Variants in HEMK1 observed in about 807,000 individuals in gnomAD.
HEMK1 encodes HemK methyltransferase 1, mitochondrial release factors N(5)-glutamine.
Under a neutral mutation model 47.9 loss-of-function variants are expected in HEMK1, and 36 were observed. The observed-to-expected ratio is 0.75, with a 90% CI of 0.58 to 0.99. The LOEUF is 0.99. Ranked by LOEUF, HEMK1 falls within the 50% of genes least tolerant of loss-of-function variation. The pLI, the probability that HEMK1 is intolerant of heterozygous loss-of-function variation, is 0.00. For synonymous variants in HEMK1, 153 were observed against 165.4 expected, an observed-to-expected ratio of 0.93 and a Z score of 0.57; for missense variants, 383 against 434.5, an observed-to-expected ratio of 0.88 and a Z score of 1.05.
chr3:50,578,293 G>C (rs2030122512), intron 7 of HEMK1, among the ~76,000 whole-genome samples: 1 of 152,202 alleles, frequency 6.6e-6, no homozygotes, highest in Non-Finnish European at 1.5e-5. Flanking sequence ...AGTGTCTCCA[G>C]GCCTCCAACT....
In HEMK1 at chr3:50,595,468, T is replaced by C. The variant is rs1453198994; in HGVS notation, c.*15051T>C. 1.3e-5 allele frequency: 2 copies of C among 152,200 alleles called. No individual in the cohort carries two copies. Among genetic ancestry groups the C allele is most frequent in the Non-Finnish European group, 2.9e-5 (2 of 68,036 alleles). The allele number at this position is 152,200 out of a possible 1,614,324, so 9.4% of individuals were successfully genotyped here. A position where few individuals can be genotyped will look rare whatever the true frequency, so the allele number is the denominator to read the frequency against. ...CTGAATTTAGGGGACCCACGTCTTT[T>C]ATAATAAGCTGCAAGCAAACCTGCC... On this transcript the variant is annotated 3_prime_UTR_variant, in exon 11 of 11. Coordinates refer to ENST00000232854, the MANE Select transcript of HEMK1 (RefSeq NM_016173.5).
chr3:50,580,115 G>A lies in HEMK1; in HGVS notation c.867-1G>A. The A allele has an allele frequency of 6.2e-7, 1 of 1,612,948 alleles. No individual in the cohort carries two copies. Among genetic ancestry groups the A allele is most frequent in the Admixed American group, 1.7e-5 (1 of 60,022 alleles). ...AGCCCACCCATTTCTCCCCCATGTA[G>A]TAGTATCTTCTTAGAAGTGGACCCA... On this transcript the variant is annotated splice_acceptor_variant, in intron 9 of 10. Transcript: ENST00000232854. LOFTEE classifies it high-confidence loss of function.
chr3:50,578,239 G>A (rs2030105743), intron 7 of HEMK1, among the ~76,000 whole-genome samples: 1 of 152,212 alleles, frequency 6.6e-6, no homozygotes, highest in Non-Finnish European at 1.5e-5. Context: ...CTGCCTGGCA[G>A]GGGAAGTGGT....
chr3:50,579,695 G>A, intron 8 of HEMK1, 149 bp from the exon 9 acceptor site: 1 of 603,356 alleles, frequency 1.7e-6, no homozygotes, highest in South Asian at 2.1e-5. Flanking sequence ...CACCCATTTG[G>A]GGCCCTCCTT....
rs1319536559 is a variant in HEMK1, at chr3:50,571,152, G to C, written c.48G>C (p.Gly16=). 6.2e-7 allele frequency: 1 copy of C among 1,613,114 alleles called. No homozygotes were observed. Among genetic ancestry groups the C allele is most frequent in the Non-Finnish European group, 8.5e-7 (1 of 1,179,596 alleles). The change falls in exon 2 of 11, where the codon GGG becomes GGC. Residue 16 remains glycine (G), a synonymous_variant. Transcript: ENST00000232854. The part of the protein sequence containing the change: ...RMLWALLSGP[G]RRGSTRGWAF... ...TGTGGGCCCTCCTGTCTGGCCCAGG[G>C]AGGAGGGGAAGTACCCGGGGCTGGG...
rs778883009 is a variant in HEMK1, at chr3:50,572,140, G to C, written c.346G>C (p.Glu116Gln). 1 of 1,614,024 alleles carries C rather than the reference G, an allele frequency of 6.2e-7. No homozygotes were observed. Among genetic ancestry groups the C allele is most frequent in the Admixed American group, 1.7e-5 (1 of 60,010 alleles). Residue 116 changes from glutamate to glutamine, a missense_variant, in exon 4 of 11, where the codon GAG (glutamate) becomes CAG (glutamine). Coordinates refer to ENST00000232854, the MANE Select transcript of HEMK1 (RefSeq NM_016173.5). ...GATGCCGGTGCAGTACATCCTTGGA[G>C]AGTGGGACTTCCAGGGGCTCAGCCT... is the stretch of plus-strand genomic sequence containing the variant. ...QRMPVQYILGEWDFQGLSLRM... is the reference protein window; with the variant it reads ...QRMPVQYILGQWDFQGLSLRM...
At chr3:50,578,069 G>T (rs1343238320) in intron 7 of HEMK1, among the ~76,000 whole-genome samples, 194 bp downstream of exon 7, 1 of 152,202 alleles carries the variant, frequency 6.6e-6, no homozygotes, top group African/African-American at 2.4e-5. Context: ...CAGACAAGGT[G>T]CTTTTGCCTC....
Position 50,593,227 on chromosome 3 carries a change from T to C in HEMK1, c.*12810T>C, listed in dbSNP as rs2031812364. The C allele has an allele frequency of 6.6e-6, 1 of 152,272 alleles. No individual in the cohort carries two copies. Among genetic ancestry groups the C allele is most frequent in the Non-Finnish European group, 1.5e-5 (1 of 68,098 alleles). The allele number at this position is 152,272 out of a possible 1,614,324, so 9.4% of individuals were successfully genotyped here. Reference sequence around the variant, plus strand: ...TTAGGAACCCTGCCCACAGCTGTACTAATGCCCTTGGCTTTGCTATAGGGA... The same window carrying C: ...TTAGGAACCCTGCCCACAGCTGTACCAATGCCCTTGGCTTTGCTATAGGGA... On this transcript the variant is annotated 3_prime_UTR_variant, in exon 11 of 11. Transcript: ENST00000232854.
chr3:50,572,421 A>G (rs1575900021), intron 4 of HEMK1, among the ~76,000 whole-genome samples: 1 of 152,162 alleles, frequency 6.6e-6, no homozygotes, highest in African/African-American at 2.4e-5. Flanking sequence ...CAAGCTATCA[A>G]CCCAGCCTCT....
rs1575974221 is a variant in HEMK1 at position 50,591,710 on chromosome 3, G to GTGTGTGTGTGTGTGTGGT, written c.*11293_*11294insTGTGTGTGTGTGTGTGGT. 1 of 128,342 alleles carries GTGTGTGTGTGTGTGTGGT rather than the reference G, an allele frequency of 7.8e-6. No homozygotes were observed. The highest frequency in any genetic ancestry group is 1.7e-5 in the Non-Finnish European group (1 of 57,794). The allele number at this position is 128,342 out of a possible 1,614,324, so 8.0% of individuals were successfully genotyped here. A position where few individuals can be genotyped will look rare whatever the true frequency, so the allele number is the denominator to read the frequency against. ...TGTGTGTGTGTGTTTGTGTGTGTGT[G>GTGTGTGTGTGTGTGTGGT]GTGTTACTCTGCCTCAGAGGCCCAA... is the stretch of plus-strand genomic sequence containing the variant. On this transcript the variant is annotated 3_prime_UTR_variant, in exon 11 of 11. Transcript: ENST00000232854.
rs549779997 is a variant in HEMK1, at chr3:50,594,825, T to A, written c.*14408T>A. 6.6e-6 allele frequency: 1 copy of A among 152,170 alleles called. No individual in the cohort carries two copies. The highest frequency in any genetic ancestry group is 1.5e-5 in the Non-Finnish European group (1 of 68,022). The allele number at this position is 152,170 out of a possible 1,614,324, so 9.4% of individuals were successfully genotyped here. A position where few individuals can be genotyped will look rare whatever the true frequency, so the allele number is the denominator to read the frequency against. On this transcript the variant is annotated 3_prime_UTR_variant, in exon 11 of 11. Transcript: ENST00000232854. Reference sequence around the variant, plus strand: ...CACTCATAAACCCACCTACCTCCTTTGGCTTCCTTTCCTTCCCTGTCTCAC... The same window carrying A: ...CACTCATAAACCCACCTACCTCCTTAGGCTTCCTTTCCTTCCCTGTCTCAC...
chr3:50,577,475 C>T (rs1438329550), intron 5 of HEMK1, 34 bp from the exon 6 acceptor site: 6 of 1,603,392 alleles, frequency 3.7e-6, no homozygotes, highest in Non-Finnish European at 3.4e-6. Context: ...CTCAGCATTG[C>T]CTTCCACATA....
At position 50,582,883 on chromosome 3, in the gene HEMK1, G is replaced by A. The variant is rs2030982995; in HGVS notation, c.*2466G>A. ...TGAGGCCCAGGCCAGGGCAGCCAGT[G>A]GCTCTAGCTCAGGGAAAGCCAGGCC... On this transcript the variant is annotated 3_prime_UTR_variant, in exon 11 of 11. Transcript: ENST00000232854. 6.6e-6 allele frequency: 1 copy of A among 152,388 alleles called. No individual in the cohort carries two copies. The highest frequency in any genetic ancestry group is 1.5e-5 in the Non-Finnish European group (1 of 68,150). 9.4% of individuals were successfully genotyped at this position (152,388 alleles called of 1,614,324 possible).
Position 50,584,503 on chromosome 3 carries a change from G to A in HEMK1, c.*4086G>A, listed in dbSNP as rs984395333. The A allele has an allele frequency of 3.3e-5, 5 of 152,192 alleles. No homozygotes were observed. The highest frequency in any genetic ancestry group is 1.2e-4 in the African/African-American group (5 of 41,430). The allele number at this position is 152,192 out of a possible 1,614,324, so 9.4% of individuals were successfully genotyped here. ...CAGGTAAACTGAGTATAATCACAAG[G>A]GCCTCTGTAAAGGAGGCAGGAGTGT... On this transcript the variant is annotated 3_prime_UTR_variant, in exon 11 of 11. Coordinates refer to ENST00000232854, the MANE Select transcript of HEMK1 (RefSeq NM_016173.5).
chr3:50,587,607 A>G lies in HEMK1; in HGVS notation c.*7190A>G, dbSNP rs2107532686. ...AGGCTTGAGGAGGGGCGGATAGGAC[A>G]GGAATATACCAGGCAGTAGGGACAG... On this transcript the variant is annotated 3_prime_UTR_variant, in exon 11 of 11. Coordinates refer to ENST00000232854, the MANE Select transcript of HEMK1 (RefSeq NM_016173.5). This position sits in a 1 kb window ranked among gnomAD's most constrained non-coding sequence, Gnocchi z 4.2. The G allele has an allele frequency of 6.6e-6, 1 of 152,434 alleles. No individual in the cohort carries two copies. The highest frequency in any genetic ancestry group is 1.5e-5 in the Non-Finnish European group (1 of 68,110). 9.4% of individuals were successfully genotyped at this position (152,434 alleles called of 1,614,324 possible).
At position 50,579,784 on chromosome 3, in the gene HEMK1, C is replaced by G. The variant is rs554665408; in HGVS notation, c.771-60C>G. On this transcript the variant is annotated intron_variant, in intron 8 of 10. Coordinates refer to ENST00000232854, the MANE Select transcript of HEMK1 (RefSeq NM_016173.5). ...CATTCATGGAGGCCTTGCCCATGCCCTCCATGCATTTCAGATACCCCTTTC... is the reference window on the plus strand; with the variant it reads ...CATTCATGGAGGCCTTGCCCATGCCGTCCATGCATTTCAGATACCCCTTTC... 38 of 1,270,578 alleles carry G rather than the reference C, an allele frequency of 3.0e-5. No individual in the cohort carries two copies. The East Asian group carries it at 6.8e-4, about 23-fold the overall frequency. The allele number at this position is 1,270,578 out of a possible 1,614,324, so 78.7% of individuals were successfully genotyped here. A position where few individuals can be genotyped will look rare whatever the true frequency, so the allele number is the denominator to read the frequency against.
chr3:50,571,801 G>A lies in HEMK1; in HGVS notation c.320G>A (p.Arg107Lys), dbSNP rs1700995847. Residue 107 changes from arginine to lysine, a missense_variant and splice_region_variant, in exon 3 of 11, where the codon AGG becomes AAG. Transcript: ENST00000232854. Reference sequence around the variant, plus strand: ...GAGCTGAGTAGCCGTCGATTGCAGAGGTGAGCACCCATGGATCAGACCTGA... The same window carrying A: ...GAGCTGAGTAGCCGTCGATTGCAGAAGTGAGCACCCATGGATCAGACCTGA... Reference protein sequence around the residue: ...IRELSSRRLQRMPVQYILGEW... With the variant: ...IRELSSRRLQKMPVQYILGEW... 5 of 1,613,568 alleles carry A rather than the reference G, an allele frequency of 3.1e-6. No homozygotes were observed. In the East Asian group the frequency reaches 1.1e-4, roughly 36 times the overall value.
intron 4 of HEMK1, among the ~76,000 whole-genome samples, chr3:50,573,878 G>C (rs771378144): frequency 5.3e-5 from 8 of 152,244 alleles, no homozygotes; most frequent in Non-Finnish European, 1.2e-4. Context: ...AGTGAATACA[G>C]TAGGAAACTC....
chr3:50,591,063 T>G lies in HEMK1; in HGVS notation c.*10646T>G, dbSNP rs2031696237. 1 of 151,974 alleles carries G rather than the reference T, an allele frequency of 6.6e-6. No individual in the cohort carries two copies. The highest frequency in any genetic ancestry group is 2.4e-5 in the African/African-American group (1 of 41,350). The allele number at this position is 151,974 out of a possible 1,614,324, so 9.4% of individuals were successfully genotyped here. A position where few individuals can be genotyped will look rare whatever the true frequency, so the allele number is the denominator to read the frequency against. Reference sequence around the variant, plus strand: ...CTCAGCCTCCCTTAGGGCCACTAGGTGGGGCAGAATACAAGGTCAGGCGAG... The same window carrying G: ...CTCAGCCTCCCTTAGGGCCACTAGGGGGGGCAGAATACAAGGTCAGGCGAG... On this transcript the variant is annotated 3_prime_UTR_variant, in exon 11 of 11. Transcript: ENST00000232854.
Sources: gnomAD v4.1 joint callset for allele counts (sites outside exome capture counted in the v4.1 genomes callset) on GRCh38, gnomAD v4.1.1 for gene constraint, Gnocchi (gnomAD v3.1) non-coding constraint, MANE v1.5 for transcripts, NCBI Gene and HGNC (gene_info 2026-07-23, HGNC 2026-07-21) for gene names.